Variants in UNC5C observed in about 807,000 individuals in gnomAD.
UNC5C encodes the protein unc-5 netrin receptor C.
A neutral mutation model predicts 99.8 loss-of-function variants in UNC5C; 47 were observed. That is an observed-to-expected ratio of 0.47 (90% CI 0.37 to 0.60). The LOEUF (loss-of-function observed/expected upper bound fraction) is 0.60. UNC5C is among the 20% of genes least tolerant of loss of function. UNC5C has a pLI of 0.00. For missense variants in UNC5C, 1,062 were observed against 1,165.9 expected (o/e 0.91, Z 1.30); for synonymous variants, 487 against 452.2 (o/e 1.08, Z -0.98).
chr4:95,304,518 A>C (rs557605288), intron 2 of UNC5C, among the ~76,000 whole-genome samples: 1 of 152,170 alleles, frequency 6.6e-6, no homozygotes, highest in South Asian at 2.1e-4. Flanking sequence ...CTGGAAATCT[A>C]TGGGAAGATG....
At chr4:95,493,775 A>G (rs1407738425) in intron 1 of UNC5C, among the ~76,000 whole-genome samples, 1 of 151,384 alleles carries the variant, frequency 6.6e-6, no homozygotes, top group African/African-American at 2.4e-5. Context: ...TTGTTTCAGC[A>G]GGTTTTGCAA....
chr4:95,512,835 A>C (rs1722114256), intron 1 of UNC5C, among the ~76,000 whole-genome samples: 1 of 152,190 alleles, frequency 6.6e-6, no homozygotes, highest in South Asian at 2.1e-4. Flanking sequence ...ATTGATAAGA[A>C]ACTAAAACAA....
intron 1 of UNC5C, among the ~76,000 whole-genome samples, chr4:95,451,637 CTTTTG>C (rs764097697): frequency 3.3e-5 from 5 of 152,084 alleles, no homozygotes; most frequent in African/African-American, 7.2e-5. Flanking sequence ...TGTCTTACTA[CTTTTG>C]TTTTGTCTGA....
rs772434330 is a variant in UNC5C at position 95,301,597 on chromosome 4, A to G, written c.490+9T>C. On this transcript the variant is annotated intron_variant, in intron 3 of 15. Transcript: ENST00000453304. The stretch of plus-strand genomic sequence containing the variant: ...TGAGACCCAAGGTGCTTATTGTACA[A>G]TGACTCACATGCAATGCGCACATAC... 3.7e-6 allele frequency: 6 copies of G among 1,613,812 alleles called. No individual in the cohort carries two copies. Among genetic ancestry groups the G allele is most frequent in the Non-Finnish European group, 5.1e-6 (6 of 1,179,922 alleles).
chr4:95,183,528 C>T (rs889971506), intron 13 of UNC5C, among the ~76,000 whole-genome samples: 8 of 152,190 alleles, frequency 5.3e-5, no homozygotes, highest in African/African-American at 1.7e-4. Context: ...CCCTTTCATG[C>T]TTTACATCCT....
chr4:95,306,606 A>G (rs563577591), intron 2 of UNC5C, among the ~76,000 whole-genome samples: 24 of 152,126 alleles, frequency 1.6e-4, no homozygotes, highest in African/African-American at 5.5e-4. Context: ...GCCTTCTGAT[A>G]CTCCATGTAT....
chr4:95,431,078 T>C (rs2149460238), intron 1 of UNC5C, among the ~76,000 whole-genome samples: 1 of 152,212 alleles, frequency 6.6e-6, no homozygotes, highest in South Asian at 2.1e-4. Flanking sequence ...CAAGTAAACC[T>C]GAGTTTAAAA....
chr4:95,519,826 ATTT>A (rs1301645337), intron 1 of UNC5C, among the ~76,000 whole-genome samples: 1 of 152,146 alleles, frequency 6.6e-6, no homozygotes, highest in Admixed American at 6.5e-5. Flanking sequence ...AGCTGAAGGT[ATTT>A]TTGTCTTGCA....
At chr4:95,397,891 C>T (rs1745564962) in intron 1 of UNC5C, among the ~76,000 whole-genome samples, 1 of 152,096 alleles carries the variant, frequency 6.6e-6, no homozygotes, top group South Asian at 2.1e-4. Context: ...CTTTAAAACT[C>T]ATCTATATTT....
At chr4:95,422,812 T>A (rs1318436941) in intron 1 of UNC5C, among the ~76,000 whole-genome samples, 1 of 152,234 alleles carries the variant, frequency 6.6e-6, no homozygotes, top group Non-Finnish European at 1.5e-5. Context: ...GCTGCATTTA[T>A]ATGCGTATTT....
rs889616506 is a variant in UNC5C at position 95,481,075 on chromosome 4, G to C, written c.124+67659C>G. 3.7e-4 allele frequency among the ~76,000 whole-genome samples: 56 copies of C among 151,280 alleles called. 1 individual carries two copies. The highest frequency in any genetic ancestry group is 1.0e-3 in the African/African-American group (41 of 41,114). ...GAAAAGAGGAAGTCAAATTGTCCCT[G>C]TTTGCAGATGACATGATTGTATATC... On this transcript the variant is annotated intron_variant, in intron 1 of 15. Transcript: ENST00000453304.
intron 10 of UNC5C, among the ~76,000 whole-genome samples, chr4:95,207,236 A>G (rs1268229953): frequency 6.6e-6 from 1 of 152,218 alleles, no homozygotes; most frequent in African/African-American, 2.4e-5. Flanking sequence ...TAGTTTTAAA[A>G]AATCATTTCA....
intron 1 of UNC5C, among the ~76,000 whole-genome samples, chr4:95,398,718 A>T (rs1049330417): frequency 6.6e-6 from 1 of 152,184 alleles, no homozygotes; most frequent in Non-Finnish European, 1.5e-5. Context: ...TAAAGCATGT[A>T]GACTTAGTCT....
intron 9 of UNC5C, 129 bp downstream of exon 9, chr4:95,218,840 A>G: frequency 1.2e-6 from 1 of 843,518 alleles, no homozygotes; most frequent in Non-Finnish European, 1.8e-6. Flanking sequence ...CATTGAAAGT[A>G]GATTTGGGCT....
intron 5 of UNC5C, among the ~76,000 whole-genome samples, chr4:95,247,691 T>C (rs1739553201): frequency 6.6e-6 from 1 of 152,204 alleles, no homozygotes; most frequent in South Asian, 2.1e-4. Context: ...TCCAAAGCTA[T>C]TTCCTTAATT....
intron 1 of UNC5C, among the ~76,000 whole-genome samples, chr4:95,368,774 T>C (rs1280846727): frequency 2.0e-5 from 3 of 152,214 alleles, no homozygotes; most frequent in Non-Finnish European, 4.4e-5. Flanking sequence ...ATTTTAATGA[T>C]ATATTTTATT....
chr4:95,456,052 T>C (rs989820294), intron 1 of UNC5C, among the ~76,000 whole-genome samples: 5 of 152,162 alleles, frequency 3.3e-5, no homozygotes, highest in African/African-American at 1.2e-4. Context: ...GAGTGACATC[T>C]AGGGACTTTG....
chr4:95,431,179 C>T (rs918160735), intron 1 of UNC5C, among the ~76,000 whole-genome samples: 1 of 152,060 alleles, frequency 6.6e-6, no homozygotes, highest in African/African-American at 2.4e-5. Context: ...CTCAGTGCTA[C>T]CATCTTTTAA....
intron 1 of UNC5C, among the ~76,000 whole-genome samples, chr4:95,373,429 G>A (rs901818477): frequency 1.4e-4 from 22 of 151,944 alleles, no homozygotes; most frequent in African/African-American, 4.6e-4. Context: ...CTCCCTCCAC[G>A]CATCCAGGAG....
Sources: allele counts gnomAD v4.1 joint callset (sites outside exome capture counted in the v4.1 genomes callset), GRCh38; gene constraint gnomAD v4.1.1; transcripts MANE v1.5; gene names NCBI Gene and HGNC (gene_info 2026-07-23, HGNC 2026-07-21).